The following ITGB3 variants were observed in gnomAD, a reference collection of about 807,000 sequenced individuals.
The protein encoded by ITGB3 is integrin subunit beta 3.
ITGB3 carries 48 observed loss-of-function variants against 85.8 expected under a neutral mutation model. The ratio of observed to expected loss-of-function variants is 0.56; its 90% CI spans 0.44 to 0.71. The LOEUF (loss-of-function observed/expected upper bound fraction) is 0.71. Ranked by LOEUF, ITGB3 falls within the 30% of genes least tolerant of loss-of-function variation. ITGB3 has a pLI of 0.00. For synonymous variants in ITGB3, 363 were observed against 395.6 expected (o/e 0.92, Z 0.98); for missense variants, 861 against 1,019.1 (o/e 0.84, Z 2.11).
chr17:47,255,532 C>T (rs1255912443), intron 1 of ITGB3, among the ~76,000 whole-genome samples: 3 of 152,070 alleles, frequency 2.0e-5, no homozygotes, highest in Admixed American at 1.3e-4. Flanking sequence ...AGGGATTCTC[C>T]TGCCTCAGCC....
Position 47,299,311 on chromosome 17 carries a change from A to T in ITGB3, c.1694A>T (p.His565Leu). Residue 565 changes from histidine to leucine, a missense_variant, in exon 11 of 15, where the codon CAT becomes CTT. By Grantham distance (99) the His-to-Leu change is moderately conservative. Transcript: ENST00000559488. The surrounding 1 kb of genome is among the most constrained non-coding windows in gnomAD (Gnocchi z 5.1). ...TTCCTGGGCTGTGTGTTTTCAGGCCATGGCCAGTGCAGCTGTGGGGACTGC... is the reference window on the plus strand; with the variant it reads ...TTCCTGGGCTGTGTGTTTTCAGGCCTTGGCCAGTGCAGCTGTGGGGACTGC... ...VRYKGEMCSG[H>L]GQCSCGDCLC... The T allele has an allele frequency of 6.2e-7, 1 of 1,613,880 alleles. No homozygotes were observed. The highest frequency in any genetic ancestry group is 8.5e-7 in the Non-Finnish European group (1 of 1,180,010).
chr17:47,310,140 C>A lies in ITGB3; in HGVS notation c.2303C>A (p.Ala768Asp), dbSNP rs773418194. Residue 768 changes from alanine (A) to aspartate (D), a missense_variant and splice_region_variant, in exon 15 of 15, where the codon GCC becomes GAC. Coordinates refer to ENST00000559488, the MANE Select transcript of ITGB3 (RefSeq NM_000212.3). ...EERARAKWDT[A>D]NNPLYKEATS... is the part of the protein sequence containing the mutation. ...GATGCTATTCTGTTTCCTCCACAGG[C>A]CAACAACCCACTGTATAAAGAGGCC... is the stretch of plus-strand genomic sequence containing the variant. 57 of 1,613,702 alleles carry A rather than the reference C, an allele frequency of 3.5e-5. No individual in the cohort carries two copies. The South Asian group carries it at 6.0e-4, about 17-fold the overall frequency.
chr17:47,290,107 C>T (rs1344630111), intron 7 of ITGB3, 78 bp from the exon 8 acceptor site: 5 of 1,013,526 alleles, frequency 4.9e-6, no homozygotes, highest in Non-Finnish European at 6.3e-6. Context: ...TCAGGACTCT[C>T]AGTGGGATTT....
rs1444020101 is a variant in ITGB3, at chr17:47,284,608, G to A, written c.527G>A (p.Arg176Gln). 11 of 1,613,896 alleles carry A rather than the reference G, an allele frequency of 6.8e-6. No individual in the cohort carries two copies. The highest frequency in any genetic ancestry group is 1.6e-4 in the Middle Eastern group (1 of 6,084). The change falls in exon 4 of 15, where the codon CGG (arginine) becomes CAG (glutamine). Residue 176 changes from arginine to glutamine, a missense_variant. Coordinates refer to ENST00000559488, the MANE Select transcript of ITGB3 (RefSeq NM_000212.3). The part of the protein sequence containing the change: ...TQMRKLTSNL[R>Q]IGFGAFVDKP... ...ATGCGAAAGCTCACCAGTAACCTGC[G>A]GATTGGCTTCGGGGCATTTGTGGAC...
In ITGB3 at chr17:47,286,294, A is replaced by G; in HGVS notation, c.649A>G (p.Lys217Glu). 2 of 1,614,178 alleles carry G rather than the reference A, an allele frequency of 1.2e-6. No homozygotes were observed. The highest frequency in any genetic ancestry group is 1.7e-6 in the Non-Finnish European group (2 of 1,180,022). The change falls in exon 5 of 15, where the codon AAA becomes GAA. Residue 217 changes from lysine to glutamate, a missense_variant. Lys to Glu is a moderately conservative substitution (Grantham distance 56). Transcript: ENST00000559488. ...CACCTGCTTGCCCATGTTTGGCTAC[A>G]AACACGTGCTGACGCTAACTGACCA... ...KTTCLPMFGYKHVLTLTDQVT... is the reference protein window; with the variant it reads ...KTTCLPMFGYEHVLTLTDQVT...
intron 2 of ITGB3, among the ~76,000 whole-genome samples, chr17:47,281,718 T>A (rs537371918): frequency 3.3e-5 from 5 of 151,726 alleles, no homozygotes; most frequent in African/African-American, 1.2e-4. Context: ...CCCAAGTTTG[T>A]GGAGTTTATT....
rs775174822 is a variant in ITGB3 at position 47,302,731 on chromosome 17, C to G, written c.2025C>G (p.Gly675=). The G allele has an allele frequency of 3.1e-6, 5 of 1,613,910 alleles. No individual in the cohort carries two copies. In the African/African-American group the frequency reaches 6.7e-5, roughly 22 times the overall value. Residue 675 remains glycine, a synonymous_variant, in exon 13 of 15, where the codon GGC becomes GGG. Transcript: ENST00000559488. ...IESVKELKDT[G]KDAVNCTYKN... ...TTTCCCTACTCCCAGAGGACACTGG[C>G]AAGGATGCAGTGAATTGTACCTATA...
chr17:47,297,881 CA>C (rs10665875), intron 10 of ITGB3, among the ~76,000 whole-genome samples: 107 of 115,766 alleles, frequency 9.2e-4, no homozygotes, highest in African/African-American at 1.4e-3. Flanking sequence ...GACTCTGTCT[CA>C]AAAAAAAAAA....
intron 13 of ITGB3, among the ~76,000 whole-genome samples, chr17:47,307,175 T>A (rs975530264): frequency 6.6e-6 from 1 of 151,752 alleles, no homozygotes; most frequent in South Asian, 2.1e-4. Context: ...TAGGTCCCAG[T>A]GTCTGGTGTT....
intron 10 of ITGB3, among the ~76,000 whole-genome samples, chr17:47,297,085 A>G (rs1410185058): frequency 6.6e-6 from 1 of 152,246 alleles, no homozygotes; most frequent in Admixed American, 6.5e-5. Context: ...CAATTTGAAG[A>G]ATATTCCATT....
At chr17:47,293,143 C>T (rs1176972738) in intron 10 of ITGB3, among the ~76,000 whole-genome samples, 1 of 152,184 alleles carries the variant, frequency 6.6e-6, no homozygotes, top group Non-Finnish European at 1.5e-5. Flanking sequence ...AGATCTAGAA[C>T]ATTTCAACGT....
At chr17:47,296,285 G>C (rs867119159) in intron 10 of ITGB3, among the ~76,000 whole-genome samples, 3 of 152,206 alleles carry the variant, frequency 2.0e-5, no homozygotes, top group African/African-American at 7.2e-5. Flanking sequence ...CCAGCCCATA[G>C]TGCAGTGGCA....
At position 47,253,888 on chromosome 17, in the gene ITGB3, G is replaced by A. The variant is rs1268755118; in HGVS notation, c.27G>A (p.Pro9=). MRARPRPR[P]LWATVLALGA... ...TGCGAGCGCGGCCGCGGCCCCGGCC[G>A]CTCTGGGCGACTGTGCTGGCGCTGG... The change falls in exon 1 of 15, where the codon CCG becomes CCA. Residue 9 remains proline (P), a synonymous_variant. Transcript: ENST00000559488. 2.3e-6 allele frequency: 3 copies of A among 1,305,652 alleles called. No individual in the cohort carries two copies. The highest frequency in any genetic ancestry group is 2.9e-6 in the Non-Finnish European group (3 of 1,024,742). 80.9% of individuals were successfully genotyped at this position (1,305,652 alleles called of 1,614,324 possible). A position where few individuals can be genotyped will look rare whatever the true frequency, so the allele number is the denominator to read the frequency against.
chr17:47,277,133 T>G (rs2065066830), intron 2 of ITGB3, among the ~76,000 whole-genome samples: 1 of 152,090 alleles, frequency 6.6e-6, no homozygotes, highest in South Asian at 2.1e-4. Context: ...CGACGCGGGT[T>G]GGGTTGCTGT....
intron 6 of ITGB3, among the ~76,000 whole-genome samples, chr17:47,289,102 G>A (rs184935500): frequency 6.6e-5 from 10 of 152,284 alleles, no homozygotes; most frequent in Admixed American, 2.6e-4. Flanking sequence ...GAGACCACAC[G>A]GTGGAGGATC....
intron 13 of ITGB3, among the ~76,000 whole-genome samples, chr17:47,306,886 G>T (rs1227489696): frequency 1.3e-5 from 2 of 151,812 alleles, no homozygotes; most frequent in African/African-American, 2.4e-5. Context: ...CACCATGTTG[G>T]CCAGGCTGGT....
intron 1 of ITGB3, among the ~76,000 whole-genome samples, chr17:47,257,286 A>C (rs1316561780): frequency 6.6e-6 from 1 of 152,086 alleles, no homozygotes. Context: ...TCTTATTTCA[A>C]CTCGTTCCTC....
intron 1 of ITGB3, among the ~76,000 whole-genome samples, chr17:47,272,354 AT>A (rs113815893): frequency 4.7e-5 from 7 of 150,074 alleles, no homozygotes; most frequent in Admixed American, 6.6e-5. Flanking sequence ...GCGCTTGGCC[AT>A]TTTTTTTTTA....
chr17:47,293,756 C>T (rs936915518), intron 10 of ITGB3, among the ~76,000 whole-genome samples: 1 of 152,070 alleles, frequency 6.6e-6, no homozygotes, highest in African/African-American at 2.4e-5. Context: ...TATAGGCATG[C>T]GCCACGATGC....
Sources: allele counts gnomAD v4.1 joint callset (sites outside exome capture counted in the v4.1 genomes callset), GRCh38; gene constraint gnomAD v4.1.1; non-coding constraint Gnocchi (gnomAD v3.1); transcripts MANE v1.5; gene names NCBI Gene and HGNC (gene_info 2026-07-23, HGNC 2026-07-21).